GRID2: variants seen among roughly 807,000 people sequenced by gnomAD.
GRID2 encodes the protein glutamate ionotropic receptor delta type subunit 2.
GRID2 carries 33 observed loss-of-function variants against 114.8 expected under a neutral mutation model. The observed-to-expected ratio is 0.29, with a 90% CI of 0.22 to 0.38. The LOEUF (loss-of-function observed/expected upper bound fraction) is 0.38. Ranked by LOEUF, GRID2 falls within the 10% of genes least tolerant of loss-of-function variation. The probability of loss-of-function intolerance (pLI) is 1.00; values close to 1 mark genes in which losing one functional copy is unlikely to be tolerated. For synonymous variants in GRID2, 505 were observed against 449.9 expected (o/e 1.12, Z -1.55); for missense variants, 1,184 against 1,257.7 (o/e 0.94, Z 0.89).
chr4:92,681,952 G>T (rs1199225592), intron 2 of GRID2, among the ~76,000 whole-genome samples: 1 of 152,042 alleles, frequency 6.6e-6, no homozygotes, highest in Non-Finnish European at 1.5e-5. Context: ...TTAAAGAAAG[G>T]TTATTTAAAG....
chr4:93,508,256 G>A (rs1370928505), intron 12 of GRID2, among the ~76,000 whole-genome samples: 1 of 149,902 alleles, frequency 6.7e-6, no homozygotes, highest in Non-Finnish European at 1.5e-5. Flanking sequence ...GGGGTGCAGT[G>A]GTGTGATATC....
intron 1 of GRID2, among the ~76,000 whole-genome samples, chr4:92,555,757 T>A (rs1726819674): frequency 6.6e-6 from 1 of 152,130 alleles, no homozygotes; most frequent in South Asian, 2.1e-4. Flanking sequence ...TTCAGGGGTG[T>A]GATGTTGCGT....
intron 1 of GRID2, among the ~76,000 whole-genome samples, chr4:93,788,881 A>C (rs1734642972): frequency 6.6e-6 from 1 of 152,174 alleles, no homozygotes; most frequent in Admixed American, 6.5e-5. Context: ...AAAAATGATC[A>C]CATTTAAGCC....
chr4:92,479,535 G>T (rs1396681828), intron 1 of GRID2, among the ~76,000 whole-genome samples: 1 of 152,048 alleles, frequency 6.6e-6, no homozygotes, highest in Non-Finnish European at 1.5e-5. Flanking sequence ...CATATTATTA[G>T]ATTTGATGAT....
intron 2 of GRID2, among the ~76,000 whole-genome samples, chr4:92,600,038 G>GTA (rs1729135219): frequency 2.7e-5 from 2 of 74,814 alleles, no homozygotes; most frequent in African/African-American, 1.1e-4. Flanking sequence ...GTGTGTGTGT[G>GTA]TGTGTGTATA....
chr4:93,806,646 A>C (rs574544949), intron 1 of GRID2: 25 of 152,382 alleles, frequency 1.6e-4, no homozygotes, highest in Non-Finnish European at 3.2e-4. Flanking sequence ...AAGTAGTGAT[A>C]GGACCATGGA....
chr4:92,347,702 G>A (rs1300537724), intron 1 of GRID2, among the ~76,000 whole-genome samples: 1 of 152,052 alleles, frequency 6.6e-6, no homozygotes, highest in Admixed American at 6.6e-5. Flanking sequence ...TGAAACATTG[G>A]TATAACCTAT....
chr4:92,861,501 G>A (rs17019945), intron 2 of GRID2, among the ~76,000 whole-genome samples: 4 of 151,964 alleles, frequency 2.6e-5, no homozygotes, highest in African/African-American at 9.7e-5. Context: ...CATTGACCAC[G>A]AGACTAGGTT....
At chr4:93,766,360 G>C (rs1411930342) in intron 14 of GRID2, among the ~76,000 whole-genome samples, 1 of 152,190 alleles carries the variant, frequency 6.6e-6, no homozygotes, top group Non-Finnish European at 1.5e-5. Context: ...GAGAGAGAAT[G>C]AGTGCTGAGC....
intron 8 of GRID2, among the ~76,000 whole-genome samples, chr4:93,380,390 G>C (rs1249792212): frequency 6.6e-6 from 1 of 151,434 alleles, no homozygotes; most frequent in African/African-American, 2.4e-5. Context: ...CTGTCCTCTG[G>C]AACTTGGAGA....
In GRID2 at chr4:93,616,276, G is replaced by A. The variant is rs530016290; in HGVS notation, c.2194-9993G>A. Among the ~76,000 whole-genome samples, 214 of 152,098 alleles carry A rather than the reference G, an allele frequency of 1.4e-3. 1 individual carries two copies. Among genetic ancestry groups the A allele is most frequent in the African/African-American group, 4.8e-3 (199 of 41,504 alleles). Reference sequence around the variant, plus strand: ...TTATAGACTAAGGCCGGGCACAGTGGCTCTCGCCTATAATTTCAGCACATT... The same window carrying A: ...TTATAGACTAAGGCCGGGCACAGTGACTCTCGCCTATAATTTCAGCACATT... On this transcript the variant is annotated intron_variant, in intron 13 of 15. Transcript: ENST00000282020.
chr4:92,360,840 A>G (rs1291824145), intron 1 of GRID2, among the ~76,000 whole-genome samples: 4 of 151,924 alleles, frequency 2.6e-5, no homozygotes, highest in Admixed American at 6.6e-5. Context: ...TCCACAGGAA[A>G]CTTTTGTGGG....
chr4:93,608,955 A>G (rs533505199), intron 13 of GRID2, among the ~76,000 whole-genome samples: 1 of 124,262 alleles, frequency 8.0e-6, no homozygotes, highest in East Asian at 2.1e-4. Context: ...CTATTTCTCC[A>G]CATCCTCTCC....
chr4:93,111,997 A>G (rs1732811564), intron 4 of GRID2: 1 of 152,084 alleles, frequency 6.6e-6, no homozygotes, highest in Non-Finnish European at 1.5e-5. Flanking sequence ...AATTATACAC[A>G]TTTTACTTTT....
intron 1 of GRID2, among the ~76,000 whole-genome samples, chr4:92,471,227 G>C: frequency 6.6e-6 from 1 of 152,028 alleles, no homozygotes; most frequent in Non-Finnish European, 1.5e-5. Context: ...TTAGGATCAT[G>C]TTTTAATTAT....
intron 2 of GRID2, among the ~76,000 whole-genome samples, chr4:93,001,476 T>C (rs1720972498): frequency 6.6e-6 from 1 of 151,730 alleles, no homozygotes; most frequent in Admixed American, 6.6e-5. Flanking sequence ...TACTATCTGC[T>C]AGAACTTGCT....
intron 13 of GRID2, among the ~76,000 whole-genome samples, chr4:93,585,074 C>T (rs1213178827): frequency 6.6e-6 from 1 of 152,092 alleles, no homozygotes; most frequent in Non-Finnish European, 1.5e-5. Flanking sequence ...AAGCAAAATA[C>T]CTTGAGCATC....
chr4:92,658,772 T>G (rs917133933), intron 2 of GRID2, among the ~76,000 whole-genome samples: 3 of 124,632 alleles, frequency 2.4e-5, no homozygotes, highest in Non-Finnish European at 5.0e-5. Context: ...TGAATGTGTT[T>G]GCATGTATGT....
At chr4:92,956,772 G>A (rs1752439020) in intron 2 of GRID2, among the ~76,000 whole-genome samples, 2 of 152,140 alleles carry the variant, frequency 1.3e-5, no homozygotes. Context: ...ATTCCCAGTG[G>A]TAATGAATGA....
Sources: gnomAD v4.1 joint callset for allele counts (sites outside exome capture counted in the v4.1 genomes callset) on GRCh38, gnomAD v4.1.1 for gene constraint, MANE v1.5 for transcripts, NCBI Gene and HGNC (gene_info 2026-07-23, HGNC 2026-07-21) for gene names.